The following AGBL4 variants were observed in gnomAD, a reference collection of about 807,000 sequenced individuals.
AGBL4 encodes the protein AGBL carboxypeptidase 4, also known as cytosolic carboxypeptidase 6.
AGBL4 carries 58 observed loss-of-function variants against 66.4 expected under a neutral mutation model. The observed-to-expected ratio is 0.87, with a 90% CI of 0.71 to 1.09. The LOEUF (loss-of-function observed/expected upper bound fraction) is 1.09. Among genes scored for constraint, AGBL4 ranks in the 50% least tolerant of loss-of-function variants. The probability of loss-of-function intolerance (pLI) is 0.00; values close to 1 mark genes in which losing one functional copy is unlikely to be tolerated. For missense variants in AGBL4, 579 were observed against 631.0 expected (o/e 0.92, Z 0.88); for synonymous variants, 234 against 222.9 (o/e 1.05, Z -0.44).
In AGBL4 at chr1:49,519,527, A is replaced by G. The variant is rs541443916; in HGVS notation, c.282+177786T>C. On this transcript the variant is annotated intron_variant, in intron 3 of 13. Transcript: ENST00000371839. ...GAGGCCAAAACACATTAGGAGTAAGAAATAGCACAGACTAGAAATGAGAAA... is the reference window on the plus strand; with the variant it reads ...GAGGCCAAAACACATTAGGAGTAAGGAATAGCACAGACTAGAAATGAGAAA... Among the ~76,000 whole-genome samples, 45 of 152,254 alleles carry G rather than the reference A, an allele frequency of 3.0e-4. 3 individuals carry two copies. In the South Asian group the frequency reaches 8.7e-3, roughly 29 times the overall value.
At chr1:49,004,074 C>G (rs979885640) in intron 5 of AGBL4, among the ~76,000 whole-genome samples, 1 of 152,318 alleles carries the variant, frequency 6.6e-6, no homozygotes, top group Non-Finnish European at 1.5e-5. Context: ...ATTCACATCT[C>G]ATTTCCACAT....
intron 3 of AGBL4, among the ~76,000 whole-genome samples, chr1:49,688,822 T>A (rs1449147266): frequency 1.3e-5 from 2 of 152,226 alleles, no homozygotes; most frequent in African/African-American, 4.8e-5. Flanking sequence ...TCTCTGATTA[T>A]CACTGATGTT....
intron 3 of AGBL4, among the ~76,000 whole-genome samples, chr1:49,483,722 G>C (rs1647005114): frequency 6.6e-6 from 1 of 151,674 alleles, no homozygotes; most frequent in African/African-American, 2.4e-5. Flanking sequence ...GCAAGCACAG[G>C]CAACCAAAGT....
intron 2 of AGBL4, among the ~76,000 whole-genome samples, chr1:49,792,489 A>T (rs1644625557): frequency 6.6e-6 from 1 of 152,102 alleles, no homozygotes; most frequent in Non-Finnish European, 1.5e-5. Flanking sequence ...GAAAAGTAAC[A>T]GAATGATTAT....
chr1:49,339,716 T>G (rs2148503164), intron 3 of AGBL4, among the ~76,000 whole-genome samples: 1 of 152,304 alleles, frequency 6.6e-6, no homozygotes, highest in African/African-American at 2.4e-5. Context: ...CTCTATAACA[T>G]TTTTATTATA....
chr1:49,101,499 T>G (rs1438447078), intron 4 of AGBL4, among the ~76,000 whole-genome samples: 1 of 152,176 alleles, frequency 6.6e-6, no homozygotes, highest in Non-Finnish European at 1.5e-5. Flanking sequence ...AAGAATGTTT[T>G]AGTTCTAAAC....
intron 3 of AGBL4, among the ~76,000 whole-genome samples, chr1:49,398,333 TTCTCTCTCTCTCTCTCTC>T (rs36025670): frequency 7.0e-6 from 1 of 143,708 alleles, no homozygotes; most frequent in South Asian, 2.3e-4. Flanking sequence ...CTCTCTCTCT[TTCTCTCTCTCTCTCTCTC>T]TCTCTCTCTC....
chr1:49,518,471 T>C (rs528997609), intron 3 of AGBL4, among the ~76,000 whole-genome samples: 5 of 150,984 alleles, frequency 3.3e-5, no homozygotes, highest in Non-Finnish European at 7.4e-5. Flanking sequence ...CATGAGTTTG[T>C]AATCTAATAA....
intron 3 of AGBL4, among the ~76,000 whole-genome samples, chr1:49,660,826 T>C (rs1007366425): frequency 1.3e-5 from 2 of 152,054 alleles, no homozygotes; most frequent in Non-Finnish European, 2.9e-5. Flanking sequence ...CTGGAAGCTA[T>C]TATCATCAGC....
At chr1:48,675,303 C>T (rs11205520) in intron 6 of AGBL4, among the ~76,000 whole-genome samples, 7,780 of 152,208 alleles carry the variant, frequency 0.051, 410 homozygotes, top group African/African-American at 0.13. Context: ...TTGACAGAAG[C>T]GGAGCTCAAG....
intron 3 of AGBL4, among the ~76,000 whole-genome samples, chr1:49,395,884 T>A (rs779524791): frequency 7.0e-6 from 1 of 143,362 alleles, no homozygotes; most frequent in Non-Finnish European, 1.5e-5. Context: ...TAGCCAGTGG[T>A]CCATATATCA....
chr1:48,887,107 A>G (rs776885816), intron 5 of AGBL4, among the ~76,000 whole-genome samples: 36 of 152,272 alleles, frequency 2.4e-4, no homozygotes, highest in Non-Finnish European at 4.3e-4. Context: ...AAGGGGAAAG[A>G]GGGCTTGTGG....
At chr1:49,788,285 T>G (rs1295427666) in intron 2 of AGBL4, among the ~76,000 whole-genome samples, 2 of 151,904 alleles carry the variant, frequency 1.3e-5, no homozygotes, top group Non-Finnish European at 2.9e-5. Flanking sequence ...CTATATAATG[T>G]CAAGGTGATC....
At chr1:49,293,911 G>A (rs1248339548) in intron 3 of AGBL4, among the ~76,000 whole-genome samples, 2 of 152,204 alleles carry the variant, frequency 1.3e-5, no homozygotes, top group Non-Finnish European at 2.9e-5. Context: ...AAAAATTAAA[G>A]CTGAAATATT....
intron 3 of AGBL4, among the ~76,000 whole-genome samples, chr1:49,278,882 T>C (rs1309480906): frequency 6.6e-6 from 1 of 152,204 alleles, no homozygotes; most frequent in Non-Finnish European, 1.5e-5. Context: ...ATTATCCTAA[T>C]TGTATTTACA....
At chr1:48,983,540 GA>G (rs560724776) in intron 5 of AGBL4, among the ~76,000 whole-genome samples, 4 of 152,086 alleles carry the variant, frequency 2.6e-5, no homozygotes, top group East Asian at 1.9e-4. Context: ...AATTATGGGG[GA>G]AAAAAACCTT....
At chr1:49,301,949 G>A (rs1280976772) in intron 3 of AGBL4, among the ~76,000 whole-genome samples, 1 of 152,126 alleles carries the variant, frequency 6.6e-6, no homozygotes, top group Non-Finnish European at 1.5e-5. Context: ...GGATGGATTT[G>A]AGGAAATATC....
intron 3 of AGBL4, among the ~76,000 whole-genome samples, chr1:49,501,958 G>A (rs1200286731): frequency 2.0e-5 from 3 of 151,962 alleles, no homozygotes; most frequent in Admixed American, 6.6e-5. Flanking sequence ...TCATACCATT[G>A]TGGTCAGAAA....
At chr1:49,782,119 A>T (rs1644351094) in intron 2 of AGBL4, among the ~76,000 whole-genome samples, 1 of 151,878 alleles carries the variant, frequency 6.6e-6, no homozygotes, top group African/African-American at 2.4e-5. Flanking sequence ...TGAAGATTGG[A>T]GTATAAATGA....
Sources: allele counts gnomAD v4.1 joint callset (sites outside exome capture counted in the v4.1 genomes callset), GRCh38; gene constraint gnomAD v4.1.1; transcripts MANE v1.5; gene names NCBI Gene and HGNC (gene_info 2026-07-23, HGNC 2026-07-21).